Variants in KIF16B observed in about 807,000 individuals in gnomAD.
KIF16B encodes the protein kinesin family member 16B, also known as kinesin-like protein KIF16B.
In KIF16B, 98 loss-of-function variants were observed where a neutral mutation model predicts 156.3. The observed-to-expected ratio is 0.63, with a 90% CI of 0.53 to 0.74. KIF16B has a LOEUF of 0.74. KIF16B is among the 30% of genes least tolerant of loss of function. The probability of loss-of-function intolerance (pLI) is 0.00; values close to 1 mark genes in which losing one functional copy is unlikely to be tolerated. For missense variants in KIF16B, 1,421 were observed against 1,606.5 expected (o/e 0.88, Z 1.97); for synonymous variants, 564 against 583.7 (o/e 0.97, Z 0.49).
At chr20:16,394,814 T>C (rs1421629069) in intron 17 of KIF16B, among the ~76,000 whole-genome samples, 1 of 152,022 alleles carries the variant, frequency 6.6e-6, no homozygotes, top group East Asian at 1.9e-4. Flanking sequence ...GTGGTCTTCT[T>C]CCCTCCCAGG....
chr20:16,451,019 G>A (rs2067066194), intron 12 of KIF16B, among the ~76,000 whole-genome samples: 1 of 152,180 alleles, frequency 6.6e-6, no homozygotes, highest in South Asian at 2.1e-4. Flanking sequence ...TTTACAGACA[G>A]GTCTGGGTCA....
intron 3 of KIF16B, among the ~76,000 whole-genome samples, chr20:16,522,048 T>A (rs1230571155): frequency 6.6e-6 from 1 of 152,124 alleles, no homozygotes; most frequent in Non-Finnish European, 1.5e-5. Context: ...GAACAACTGG[T>A]ACCAGCCACT....
At chr20:16,388,184 C>A (rs1446250258) in intron 17 of KIF16B, among the ~76,000 whole-genome samples, 2 of 152,078 alleles carry the variant, frequency 1.3e-5, no homozygotes, top group Non-Finnish European at 2.9e-5. Flanking sequence ...AAATCACAAA[C>A]AGTATGAGGG....
At chr20:16,378,543 A>C (rs1314816896) in intron 19 of KIF16B, among the ~76,000 whole-genome samples, 1 of 152,110 alleles carries the variant, frequency 6.6e-6, no homozygotes, top group Non-Finnish European at 1.5e-5. Context: ...CAGTGGGATA[A>C]TGTACATGGG....
intron 15 of KIF16B, among the ~76,000 whole-genome samples, chr20:16,413,819 G>C (rs1426751751): frequency 1.3e-5 from 2 of 151,344 alleles, no homozygotes; most frequent in Non-Finnish European, 2.9e-5. Flanking sequence ...TTTTAGATGT[G>C]ACAGGTGGAG....
chr20:16,358,506 C>T lies in KIF16B; in HGVS notation c.3499-2054G>A, dbSNP rs188561966. 2.6e-4 allele frequency among the ~76,000 whole-genome samples: 39 copies of T among 152,312 alleles called. 1 individual carries two copies. Among genetic ancestry groups the T allele is most frequent in the African/African-American group, 9.1e-4 (38 of 41,564 alleles). On this transcript the variant is annotated intron_variant, in intron 22 of 25. Transcript: ENST00000354981. ...GAAGGATAAGATGTGGAATCCAATC[C>T]TAGTTCTGGGACTTGGTCTTGGAGT...
chr20:16,501,888 G>T (rs1405942384), intron 10 of KIF16B, among the ~76,000 whole-genome samples: 1 of 152,156 alleles, frequency 6.6e-6, no homozygotes, highest in African/African-American at 2.4e-5. Context: ...ATTAAGGGGG[G>T]CTTCAAGGAT....
At position 16,374,257 on chromosome 20, in the gene KIF16B, C is replaced by T. The variant is rs757958756; in HGVS notation, c.3350G>A (p.Arg1117Lys). ...CTGGAATCACTTTCATGTCCAGTAC[C>T]TGGCATCCATGAGGGGAACCAGGTG... is the stretch of plus-strand genomic sequence containing the variant. ...KSHLVPLMDARINAYIEEEVQ... is the reference protein window; with the variant it reads ...KSHLVPLMDAKINAYIEEEVQ... The change falls in exon 20 of 26, where the codon AGG becomes AAG. Residue 1117 changes from arginine to lysine, a missense_variant and splice_region_variant. Arg to Lys is a conservative substitution (Grantham distance 26, BLOSUM62 2). Transcript: ENST00000354981. The T allele has an allele frequency of 1.9e-6, 3 of 1,564,076 alleles. No homozygotes were observed. The highest frequency in any genetic ancestry group is 2.6e-6 in the Non-Finnish European group (3 of 1,152,154).
In KIF16B at chr20:16,515,670, A is replaced by T. The variant is rs1568630025; in HGVS notation, c.232-6T>A. 8.7e-6 allele frequency: 13 copies of T among 1,498,076 alleles called. No homozygotes were observed. Among genetic ancestry groups the T allele is most frequent in the Non-Finnish European group, 1.2e-5 (13 of 1,077,064 alleles). The allele number at this position is 1,498,076 out of a possible 1,614,324, so 92.8% of individuals were successfully genotyped here. ...GTGCCGAGGGTTTTGAAAACCTGAAAGCCAAAAAGAACACACAAAAGATAC... is the reference window on the plus strand; with the variant it reads ...GTGCCGAGGGTTTTGAAAACCTGAATGCCAAAAAGAACACACAAAAGATAC... On this transcript the variant is annotated splice_polypyrimidine_tract_variant and splice_region_variant and intron_variant, in intron 3 of 25. Coordinates refer to ENST00000354981, the MANE Select transcript of KIF16B (RefSeq NM_024704.5).
chr20:16,426,564 T>C (rs956387475), intron 15 of KIF16B, among the ~76,000 whole-genome samples: 25 of 152,152 alleles, frequency 1.6e-4, no homozygotes, highest in African/African-American at 5.8e-4. Context: ...CTAATGTAGA[T>C]GTCAGTGTTT....
chr20:16,529,741 C>T (rs1330792069), intron 1 of KIF16B, among the ~76,000 whole-genome samples: 3 of 152,226 alleles, frequency 2.0e-5, no homozygotes, highest in Admixed American at 6.5e-5. Context: ...CACCTGAGGT[C>T]GGGAGTTCAA....
chr20:16,547,283 T>C (rs2070451403), intron 1 of KIF16B, among the ~76,000 whole-genome samples: 1 of 152,122 alleles, frequency 6.6e-6, no homozygotes, highest in Non-Finnish European at 1.5e-5. Context: ...AACACATGCC[T>C]CCCCTTTACA....
At chr20:16,546,214 G>C (rs959400977) in intron 1 of KIF16B, among the ~76,000 whole-genome samples, 28 of 152,106 alleles carry the variant, frequency 1.8e-4, no homozygotes, top group Non-Finnish European at 2.4e-4. Flanking sequence ...TTGCGACTTT[G>C]GGTACATTAC....
intron 25 of KIF16B, among the ~76,000 whole-genome samples, chr20:16,284,012 C>A (rs564618047): frequency 1.3e-5 from 2 of 152,182 alleles, no homozygotes; most frequent in Non-Finnish European, 2.9e-5. Flanking sequence ...ATTCCCTTCA[C>A]GCTTCTGCGA....
intron 24 of KIF16B, among the ~76,000 whole-genome samples, chr20:16,327,822 T>C (rs1282074652): frequency 6.6e-6 from 1 of 152,146 alleles, no homozygotes; most frequent in Non-Finnish European, 1.5e-5. Flanking sequence ...CTGTTTGCTA[T>C]TTAGAAATTC....
At chr20:16,351,039 G>T (rs1323208659) in intron 23 of KIF16B, among the ~76,000 whole-genome samples, 2 of 152,114 alleles carry the variant, frequency 1.3e-5, no homozygotes, top group East Asian at 3.9e-4. Context: ...GAAAGAAGGG[G>T]AGTACCCCTG....
chr20:16,381,812 T>G, intron 17 of KIF16B, 65 bp from the exon 18 acceptor site: 1 of 1,307,768 alleles, frequency 7.6e-7, no homozygotes, highest in Non-Finnish European at 1.1e-6. Context: ...TCTCACTCTC[T>G]GTATACAGAG....
intron 9 of KIF16B, 77 bp downstream of exon 9, chr20:16,505,645 G>C (rs1403323647): frequency 4.5e-6 from 6 of 1,337,984 alleles, no homozygotes; most frequent in Non-Finnish European, 6.3e-6. Flanking sequence ...TTCCTAATAA[G>C]ACACTTTAAA....
At chr20:16,468,317 A>G (rs1275486936) in intron 12 of KIF16B, among the ~76,000 whole-genome samples, 1 of 152,160 alleles carries the variant, frequency 6.6e-6, no homozygotes, top group African/African-American at 2.4e-5. Flanking sequence ...CTTGTCTGTA[A>G]TCCCAGCACT....
Sources: gnomAD v4.1 joint callset for allele counts (sites outside exome capture counted in the v4.1 genomes callset) on GRCh38, gnomAD v4.1.1 for gene constraint, MANE v1.5 for transcripts, NCBI Gene and HGNC (gene_info 2026-07-23, HGNC 2026-07-21) for gene names.